The following SLC66A1 variants were observed in gnomAD, a reference collection of about 807,000 sequenced individuals.
SLC66A1 encodes lysosomal amino acid transporter 1 homolog.
In SLC66A1, 23 loss-of-function variants were observed where a neutral mutation model predicts 33.0. That is an observed-to-expected ratio of 0.70 (90% CI 0.50 to 0.99). The LOEUF is 0.99. SLC66A1 is among the 50% of genes least tolerant of loss of function. The pLI is 0.00. For synonymous variants in SLC66A1, 164 were observed against 175.5 expected (o/e 0.93, Z 0.52); for missense variants, 335 against 383.6 (o/e 0.87, Z 1.06).
intron 1 of SLC66A1, among the ~76,000 whole-genome samples, chr1:19,316,729 T>A (rs1003296): frequency 0.31 from 46,740 of 151,368 alleles, 7,326 homozygotes; most frequent in Middle Eastern, 0.36. Flanking sequence ...TGCATTGGTG[T>A]GATCATGGCT....
downstream of SLC66A1, among the ~76,000 whole-genome samples, chr1:19,334,198 T>C (rs2093898957): frequency 6.6e-6 from 1 of 152,154 alleles, no homozygotes; most frequent in African/African-American, 2.4e-5. Flanking sequence ...ACCCCAGTAC[T>C]CAGTAGGCGC....
At position 19,328,531 on chromosome 1, in the gene SLC66A1, CCAGT is replaced by C. The variant is rs753550389; in HGVS notation, c.805-39_805-36del. 2.5e-6 allele frequency: 4 copies of C among 1,584,856 alleles called. No individual in the cohort carries two copies. In the African/African-American group the frequency reaches 5.4e-5, roughly 21 times the overall value. ...GAAGGCCCCCAGGGGCAGGTCCAACCCAGTCTCTGCTCAGCTTGGCCTTAACGGC... is the reference window on the plus strand; with the variant it reads ...GAAGGCCCCCAGGGGCAGGTCCAACCCTCTGCTCAGCTTGGCCTTAACGGC... On this transcript the variant is annotated intron_variant, in intron 7 of 7. Coordinates refer to ENST00000375153, the MANE Select transcript of SLC66A1 (RefSeq NM_001040125.2). This position sits in a 1 kb window ranked among gnomAD's most constrained non-coding sequence, Gnocchi z 4.7.
chr1:19,331,055 A>C (rs957543252), downstream of SLC66A1, among the ~76,000 whole-genome samples: 1 of 152,014 alleles, frequency 6.6e-6, no homozygotes, highest in Non-Finnish European at 1.5e-5. Flanking sequence ...TCTGCCGCCC[A>C]AGCTGGAGTG....
chr1:19,327,572 C>A, intron 7 of SLC66A1, 160 bp downstream of exon 7: 3 of 861,238 alleles, frequency 3.5e-6, no homozygotes, highest in Non-Finnish European at 5.6e-6. Context: ...TTCACCCAGT[C>A]GTGCACACCT....
intron 4 of SLC66A1, 56 bp from the exon 5 acceptor site, chr1:19,326,189 C>G (rs552876560): frequency 1.3e-6 from 2 of 1,547,236 alleles, no homozygotes; most frequent in Non-Finnish European, 1.7e-6. Context: ...CACCCTCCCC[C>G]GACAACCGCT....
intron 4 of SLC66A1, 50 bp from the exon 5 acceptor site, chr1:19,326,195 C>T (rs1643678595): frequency 6.4e-7 from 1 of 1,557,148 alleles, no homozygotes; most frequent in South Asian, 1.2e-5. Flanking sequence ...CCCCCGACAA[C>T]CGCTGCCACT....
At position 19,326,380 on chromosome 1, in the gene SLC66A1, G is replaced by A. The variant is rs41264079; in HGVS notation, c.518G>A (p.Gly173Asp). The change falls in exon 5 of 8, where the codon GGC becomes GAC. Residue 173 changes from glycine (G) to aspartate (D), a missense_variant. Transcript: ENST00000375153. ...RGRALLSVESGSKPFTRQEVI... is the reference protein window; with the variant it reads ...RGRALLSVESDSKPFTRQEVI... ...CGGGCGCTCCTGTCCGTGGAGTCGG[G>A]CAGCAAGGTGAGGCGTGGGCGTGGC... 0.1 allele frequency: 162,827 copies of A among 1,606,290 alleles called. 9,252 individuals carry two copies. Among genetic ancestry groups the A allele is most frequent in the Middle Eastern group, 0.12 (726 of 6,044 alleles).
At position 19,328,535 on chromosome 1, in the gene SLC66A1, T is replaced by C. The variant is rs2093881504; in HGVS notation, c.805-37T>C. The C allele has an allele frequency of 6.3e-7, 1 of 1,592,224 alleles. No individual in the cohort carries two copies. Among genetic ancestry groups the C allele is most frequent in the Non-Finnish European group, 8.6e-7 (1 of 1,166,912 alleles). Reference sequence around the variant, plus strand: ...GCCCCCAGGGGCAGGTCCAACCCAGTCTCTGCTCAGCTTGGCCTTAACGGC... The same window carrying C: ...GCCCCCAGGGGCAGGTCCAACCCAGCCTCTGCTCAGCTTGGCCTTAACGGC... On this transcript the variant is annotated intron_variant, in intron 7 of 7. Transcript: ENST00000375153. The surrounding 1 kb of genome is among the most constrained non-coding windows in gnomAD (Gnocchi z 4.7).
At chr1:19,315,205 G>A (rs1288746602) in intron 1 of SLC66A1, among the ~76,000 whole-genome samples, 11 of 152,152 alleles carry the variant, frequency 7.2e-5, no homozygotes, top group African/African-American at 2.4e-4. Context: ...CACTGCGCCC[G>A]GCCACACCTG....
intron 6 of SLC66A1, 63 bp from the exon 7 acceptor site, chr1:19,327,164 G>A (rs1174078961): frequency 6.8e-7 from 1 of 1,471,676 alleles, no homozygotes; most frequent in Admixed American, 1.7e-5. Context: ...CATGTGGACA[G>A]TTACAATCCA....
chr1:19,324,242 C>T (rs896546328), intron 2 of SLC66A1, among the ~76,000 whole-genome samples: 1 of 152,272 alleles, frequency 6.6e-6, no homozygotes, highest in African/African-American at 2.4e-5. Context: ...GTTGCAATGC[C>T]CTTCCCTGCA....
Position 19,328,586 on chromosome 1 carries a change from C to T in SLC66A1, c.819C>T (p.Phe273=). 6.2e-7 allele frequency: 1 copy of T among 1,613,576 alleles called. No homozygotes were observed. The highest frequency in any genetic ancestry group is 8.5e-7 in the Non-Finnish European group (1 of 1,179,906). The change falls in exon 8 of 8, where the codon TTC becomes TTT. Residue 273 remains phenylalanine, a synonymous_variant. Transcript: ENST00000375153. The surrounding 1 kb of genome is among the most constrained non-coding windows in gnomAD (Gnocchi z 4.7). Reference sequence around the variant, plus strand: ...GGCACCCCCAGATCTCCATCCAGTTCCTGGTGTACAGGCGCAGCACCGCCG... The same window carrying T: ...GGCACCCCCAGATCTCCATCCAGTTTCTGGTGTACAGGCGCAGCACCGCCG... ...LLLDTIISIQ[F]LVYRRSTAAS... is the part of the protein sequence containing the mutation.
chr1:19,317,649 G>A lies in SLC66A1; in HGVS notation c.-29G>A. On this transcript the variant is annotated 5_prime_UTR_variant, in exon 2 of 8. Transcript: ENST00000375153. ...AGCGCCCTCCCTCCGGTGCAGCCCTGCCTGGCCGGGGGCCCCTCCTCCACA... is the reference window on the plus strand; with the variant it reads ...AGCGCCCTCCCTCCGGTGCAGCCCTACCTGGCCGGGGGCCCCTCCTCCACA... 6.2e-7 allele frequency: 1 copy of A among 1,611,830 alleles called. No homozygotes were observed. The highest frequency in any genetic ancestry group is 8.5e-7 in the Non-Finnish European group (1 of 1,178,616).
At chr1:19,322,874 T>G (rs2093844916) in intron 2 of SLC66A1, among the ~76,000 whole-genome samples, 1 of 140,084 alleles carries the variant, frequency 7.1e-6, no homozygotes, top group African/African-American at 2.7e-5. Context: ...TTTTATTTGT[T>G]ATTAAAGACA....
Position 19,328,774 on chromosome 1 carries a change from A to T in SLC66A1, c.*131A>T, listed in dbSNP as rs2093883209. On this transcript the variant is annotated 3_prime_UTR_variant, in exon 8 of 8. Coordinates refer to ENST00000375153, the MANE Select transcript of SLC66A1 (RefSeq NM_001040125.2). The surrounding 1 kb of genome is among the most constrained non-coding windows in gnomAD (Gnocchi z 4.7). ...GGCCTCTGGATCCTCCGTGGACCGAACCGTCCCCCCAGGAACACACCTTCA... is the reference window on the plus strand; with the variant it reads ...GGCCTCTGGATCCTCCGTGGACCGATCCGTCCCCCCAGGAACACACCTTCA... 5.0e-6 allele frequency: 5 copies of T among 990,414 alleles called. No individual in the cohort carries two copies. The highest frequency in any genetic ancestry group is 7.5e-6 in the Non-Finnish European group (5 of 667,060). The allele number at this position is 990,414 out of a possible 1,614,324, so 61.4% of individuals were successfully genotyped here.
chr1:19,332,749 C>T (rs1230976091), downstream of SLC66A1, among the ~76,000 whole-genome samples: 1 of 152,204 alleles, frequency 6.6e-6, no homozygotes, highest in African/African-American at 2.4e-5. Context: ...CTGGCTTACA[C>T]CTCCTGCTCC....
At chr1:19,323,987 C>T (rs2093850328) in intron 2 of SLC66A1, among the ~76,000 whole-genome samples, 1 of 152,312 alleles carries the variant, frequency 6.6e-6, no homozygotes, top group East Asian at 1.9e-4. Context: ...CAGCTTTGGC[C>T]TCGTACCCAC....
intron 3 of SLC66A1, 151 bp downstream of exon 3, chr1:19,324,913 G>A: frequency 2.6e-6 from 3 of 1,134,892 alleles, no homozygotes; most frequent in East Asian, 2.6e-5. Flanking sequence ...CCTTCTGTCT[G>A]CCGAACTGTG....
chr1:19,322,676 A>G (rs1047155865), intron 2 of SLC66A1, among the ~76,000 whole-genome samples: 4 of 152,098 alleles, frequency 2.6e-5, no homozygotes, highest in Non-Finnish European at 5.9e-5. Flanking sequence ...TGAGACGGGA[A>G]AGATGACTCC....
Sources: allele counts gnomAD v4.1 joint callset (sites outside exome capture counted in the v4.1 genomes callset), GRCh38; gene constraint gnomAD v4.1.1; non-coding constraint Gnocchi (gnomAD v3.1); transcripts MANE v1.5; gene names NCBI Gene and HGNC (gene_info 2026-07-23, HGNC 2026-07-21).